The following PDXK variants were observed in gnomAD, a reference collection of about 807,000 sequenced individuals.
PDXK encodes the protein pyridoxal kinase, also known as epididymis secretory sperm binding protein Li 1a.
A neutral mutation model predicts 43.2 loss-of-function variants in PDXK; 15 were observed. The observed-to-expected ratio is 0.35, with a 90% CI of 0.23 to 0.53. The LOEUF (loss-of-function observed/expected upper bound fraction) is 0.53. Ranked by LOEUF, PDXK falls within the 20% of genes least tolerant of loss-of-function variation. The pLI is 0.92. For synonymous variants in PDXK, 172 were observed against 165.4 expected, an observed-to-expected ratio of 1.04 and a Z score of -0.31; for missense variants, 343 against 417.0, an observed-to-expected ratio of 0.82 and a Z score of 1.54.
chr21:43,720,886 T>A (rs1318605873), intron 1 of PDXK, among the ~76,000 whole-genome samples: 1 of 152,182 alleles, frequency 6.6e-6, no homozygotes. Context: ...CACCTCCTAC[T>A]TCATTGGGCA....
intron 2 of PDXK, chr21:43,738,323 AG>A (rs1317097706): frequency 6.6e-6 from 1 of 152,476 alleles, no homozygotes; most frequent in African/African-American, 2.4e-5. Context: ...CAGAGGCCTC[AG>A]GAACCAGCCC....
chr21:43,762,013 C>A lies in PDXK; in HGVS notation c.*5950C>A, dbSNP rs2083939689. 1 of 153,854 alleles carries A rather than the reference C, an allele frequency of 6.5e-6. No individual in the cohort carries two copies. Among genetic ancestry groups the A allele is most frequent in the African/African-American group, 2.4e-5 (1 of 41,470 alleles). 9.5% of individuals were successfully genotyped at this position (153,854 alleles called of 1,614,324 possible). A position where few individuals can be genotyped will look rare whatever the true frequency, so the allele number is the denominator to read the frequency against. ...TAACCGGAGCTTCATCTAGTGATTG[C>A]AAAACTGGACCAATGGGAGGACGGC... is the stretch of plus-strand genomic sequence containing the variant. On this transcript the variant is annotated 3_prime_UTR_variant, in exon 11 of 11. Coordinates refer to ENST00000291565, the MANE Select transcript of PDXK (RefSeq NM_003681.5).
intron 1 of PDXK, chr21:43,719,622 C>T (rs1375770727): frequency 1.0e-6 from 1 of 985,266 alleles, no homozygotes; most frequent in African/African-American, 1.7e-5. Context: ...TCGGGGTACG[C>T]GGGTAGGAGG....
chr21:43,731,346 G>C (rs1449105329), intron 1 of PDXK, among the ~76,000 whole-genome samples: 1 of 152,170 alleles, frequency 6.6e-6, no homozygotes, highest in Non-Finnish European at 1.5e-5. Flanking sequence ...TCCTGGATAA[G>C]AAGATCCTCA....
chr21:43,727,329 A>C (rs2083264745), intron 1 of PDXK, among the ~76,000 whole-genome samples: 1 of 152,090 alleles, frequency 6.6e-6, no homozygotes, highest in African/African-American at 2.4e-5. Context: ...GCTGAGCAAA[A>C]AACCGTGCAA....
chr21:43,746,002 A>T (rs896239181), intron 4 of PDXK, 77 bp from the exon 5 acceptor site: 1 of 1,178,218 alleles, frequency 8.5e-7, no homozygotes, highest in Non-Finnish European at 1.3e-6. Flanking sequence ...GTCTTAAAAA[A>T]AGAAGAAAGA....
At chr21:43,752,124 TGTGC>T (rs1193774489) in intron 7 of PDXK, among the ~76,000 whole-genome samples, 2 of 151,396 alleles carry the variant, frequency 1.3e-5, no homozygotes, top group African/African-American at 2.4e-5. Flanking sequence ...TGTGTGTGTG[TGTGC>T]GCGCGCGTGC....
Position 43,760,820 on chromosome 21 carries a change from G to A in PDXK, c.*4757G>A, listed in dbSNP as rs570061991. 6.6e-6 allele frequency: 1 copy of A among 152,336 alleles called. No individual in the cohort carries two copies. Among genetic ancestry groups the A allele is most frequent in the East Asian group, 1.9e-4 (1 of 5,174 alleles). 9.4% of individuals were successfully genotyped at this position (152,336 alleles called of 1,614,324 possible). ...GCCCGGGCATCCCATCACCCACCAG[G>A]GTGCACGGTCTCTCCTGCTGGGGGC... On this transcript the variant is annotated 3_prime_UTR_variant, in exon 11 of 11. Coordinates refer to ENST00000291565, the MANE Select transcript of PDXK (RefSeq NM_003681.5).
intron 7 of PDXK, among the ~76,000 whole-genome samples, chr21:43,750,928 GCGTATGTGTGCACGTGTTTGCA>G (rs2058856873): frequency 6.7e-6 from 1 of 149,448 alleles, no homozygotes; most frequent in African/African-American, 2.5e-5. Context: ...GCATGTGTGT[GCGTATGTGTGCACGTGTTTGCA>G]CATGTGTGTG....
rs1263828390 is a variant in PDXK at position 43,732,355 on chromosome 21, C to T, written c.88-1714C>T. ...GTGCATTGTCGTCTTCTGAGTCTGG[C>T]TTTGTCTGGCACATGAAGTTGGATG... On this transcript the variant is annotated intron_variant, in intron 1 of 10. Transcript: ENST00000291565. This position sits in a 1 kb window ranked among gnomAD's most constrained non-coding sequence, Gnocchi z 4.1. 6 of 1,610,036 alleles carry T rather than the reference C, an allele frequency of 3.7e-6. No individual in the cohort carries two copies. The African/African-American group carries it at 8.0e-5, about 22-fold the overall frequency.
At chr21:43,742,268 C>T (rs1331078721) in intron 3 of PDXK, among the ~76,000 whole-genome samples, 1 of 152,232 alleles carries the variant, frequency 6.6e-6, no homozygotes, top group Non-Finnish European at 1.5e-5. Flanking sequence ...CAGCCTCAAC[C>T]TCCCAGGCTC....
rs1188613412 is a variant in PDXK, at chr21:43,757,708, A to G, written c.*1645A>G. On this transcript the variant is annotated 3_prime_UTR_variant, in exon 11 of 11. Transcript: ENST00000291565. ...CCCCACCTCAGCCAGTGAGTCAGAC[A>G]CGGGTTTCGCAGCCATGTTTCCTGG... 1 of 151,700 alleles carries G rather than the reference A, an allele frequency of 6.6e-6. No homozygotes were observed. Among genetic ancestry groups the G allele is most frequent in the Non-Finnish European group, 1.5e-5 (1 of 68,052 alleles). 9.4% of individuals were successfully genotyped at this position (151,700 alleles called of 1,614,324 possible). A position where few individuals can be genotyped will look rare whatever the true frequency, so the allele number is the denominator to read the frequency against.
chr21:43,743,638 C>G, intron 3 of PDXK, 86 bp from the exon 4 acceptor site: 1 of 816,680 alleles, frequency 1.2e-6, no homozygotes, highest in Non-Finnish European at 2.0e-6. Context: ...TCTGCAGGGT[C>G]TGCTGGTGCT....
intron 1 of PDXK, chr21:43,729,145 G>T: frequency 2.6e-6 from 1 of 382,792 alleles, no homozygotes; most frequent in Middle Eastern, 1.3e-3. Flanking sequence ...CTGGGTGCTT[G>T]GCGCTTGTTT....
intron 3 of PDXK, among the ~76,000 whole-genome samples, chr21:43,742,462 G>A (rs1017055298): frequency 3.3e-5 from 5 of 152,164 alleles, no homozygotes; most frequent in East Asian, 1.9e-4. Flanking sequence ...GATTACAGGC[G>A]TGAGCCACTG....
intron 1 of PDXK, among the ~76,000 whole-genome samples, chr21:43,725,172 A>C (rs768335397): frequency 5.3e-5 from 8 of 152,060 alleles, no homozygotes; most frequent in Non-Finnish European, 8.8e-5. Flanking sequence ...AATTACAAAA[A>C]ATTAGCCAGG....
chr21:43,720,899 C>T (rs2083201379), intron 1 of PDXK, among the ~76,000 whole-genome samples: 1 of 152,230 alleles, frequency 6.6e-6, no homozygotes, highest in Non-Finnish European at 1.5e-5. Context: ...ATTGGGCAAA[C>T]TGTTTCCTTC....
Position 43,734,122 on chromosome 21 carries a change from A to G in PDXK, c.141A>G (p.Thr47=), listed in dbSNP as rs1320432977. The change falls in exon 2 of 11, where the codon ACA becomes ACG. Residue 47 remains threonine (T), a splice_region_variant and synonymous_variant. Coordinates refer to ENST00000291565, the MANE Select transcript of PDXK (RefSeq NM_003681.5). This position sits in a 1 kb window ranked among gnomAD's most constrained non-coding sequence, Gnocchi z 5.0. Reference sequence around the variant, plus strand: ...ACTCTGTCCAGTTTTCAAACCACACAGGTAAGGCGTTGGCTCCAGCAGCTG... The same window carrying G: ...ACTCTGTCCAGTTTTCAAACCACACGGGTAAGGCGTTGGCTCCAGCAGCTG... ...AVNSVQFSNH[T]GYAHWKGQVL... 6.2e-7 allele frequency: 1 copy of G among 1,613,984 alleles called. No individual in the cohort carries two copies. Among genetic ancestry groups the G allele is most frequent in the East Asian group, 2.2e-5 (1 of 44,880 alleles).
In PDXK at chr21:43,735,070, C is replaced by T. The variant is rs1403277293; in HGVS notation, c.142+947C>T. ...GAAAGAGTTGCTTGGCCGGTGCAGA[C>T]GGACAGGCTCCAGCTCTTGGCGGTG... On this transcript the variant is annotated intron_variant, in intron 2 of 10. Transcript: ENST00000291565. The surrounding 1 kb of genome is among the most constrained non-coding windows in gnomAD (Gnocchi z 5.3). Among the ~76,000 whole-genome samples the T allele has an allele frequency of 2.6e-5, 4 of 152,194 alleles. No homozygotes were observed. The highest frequency in any genetic ancestry group is 3.8e-4 in the East Asian group (2 of 5,200).
Sources: gnomAD v4.1 joint callset for allele counts (sites outside exome capture counted in the v4.1 genomes callset) on GRCh38, gnomAD v4.1.1 for gene constraint, Gnocchi (gnomAD v3.1) non-coding constraint, MANE v1.5 for transcripts, NCBI Gene and HGNC (gene_info 2026-07-23, HGNC 2026-07-21) for gene names.